Variants in DCHS2 observed in about 807,000 individuals in gnomAD.
DCHS2 encodes the protein dachsous cadherin-related 2.
Under a neutral mutation model 182.4 loss-of-function variants are expected in DCHS2, and 142 were observed. That is an observed-to-expected ratio of 0.78 (90% confidence interval 0.68 to 0.89). The LOEUF (loss-of-function observed/expected upper bound fraction) is 0.89, where lower values mean the gene tolerates loss of function less well. DCHS2 is among the 40% of genes least tolerant of loss of function. DCHS2 has a pLI of 0.00. For synonymous variants in DCHS2, 1,740 were observed against 1,663.3 expected (o/e 1.05, Z -1.12); for missense variants, 4,319 against 4,198.6 (o/e 1.03, Z -0.79).
chr4:154,426,244 T>TAA (rs1054484051), intron 1 of DCHS2, among the ~76,000 whole-genome samples: 1 of 152,214 alleles, frequency 6.6e-6, no homozygotes, highest in Non-Finnish European at 1.5e-5. Context: ...TTATCGCATC[T>TAA]AAAAATACAC....
chr4:154,417,200 TGTGTGAGAGAGAGAGAGA>T (rs1316524786), intron 1 of DCHS2, among the ~76,000 whole-genome samples: 292 of 47,822 alleles, frequency 6.1e-3, no homozygotes, highest in Middle Eastern at 0.018. Flanking sequence ...TGTGTGTGTG[TGTGTGAGAGAGAGAGAGA>T]GAGAGAGAGA....
chr4:154,402,589 G>A (rs1732235638), intron 1 of DCHS2, among the ~76,000 whole-genome samples: 1 of 152,236 alleles, frequency 6.6e-6, no homozygotes. Flanking sequence ...CATGGATGGG[G>A]AGGCCTCACA....
At chr4:154,390,889 C>T (rs542300701) in intron 1 of DCHS2, among the ~76,000 whole-genome samples, 2 of 152,288 alleles carry the variant, frequency 1.3e-5, no homozygotes, top group South Asian at 4.1e-4. Context: ...TCTGGAAACA[C>T]ACAAAAAGTA....
In DCHS2 at chr4:154,236,355, G is replaced by T; in HGVS notation, c.8297C>A (p.Ala2766Glu). 6.2e-7 allele frequency: 1 copy of T among 1,614,068 alleles called. No homozygotes were observed. Among genetic ancestry groups the T allele is most frequent in the East Asian group, 2.2e-5 (1 of 44,828 alleles). ...FVSVLDDNDH[A>E]PQFMFSSFSC... ...GAAGCTTGAGAACATAAACTGAGGT[G>T]CATGGTCGTTATCATCCAGGACACT... The change falls in exon 20 of 20, where the codon GCA becomes GAA. Residue 2766 changes from alanine (A) to glutamate (E), a missense_variant. Coordinates refer to ENST00000357232, the MANE Select transcript of DCHS2 (RefSeq NM_001358235.2).
At chr4:154,379,608 C>T (rs939700124) in intron 1 of DCHS2, among the ~76,000 whole-genome samples, 4 of 152,062 alleles carry the variant, frequency 2.6e-5, no homozygotes, top group African/African-American at 9.7e-5. Flanking sequence ...ATTTGTAAGC[C>T]TTTTAGGAGG....
chr4:154,435,488 C>G (rs551355367), intron 1 of DCHS2, among the ~76,000 whole-genome samples: 1 of 151,586 alleles, frequency 6.6e-6, no homozygotes, highest in Admixed American at 6.6e-5. Context: ...CCCAGCTACT[C>G]GGGAGGCTGA....
At chr4:154,481,865 C>G (rs560245308) in intron 1 of DCHS2, among the ~76,000 whole-genome samples, 1 of 152,148 alleles carries the variant, frequency 6.6e-6, no homozygotes, top group African/African-American at 2.4e-5. Context: ...CTTTTATCCA[C>G]GGGATTACTC....
intron 12 of DCHS2, among the ~76,000 whole-genome samples, chr4:154,299,642 G>A (rs899170364): frequency 2.6e-5 from 4 of 152,110 alleles, no homozygotes; most frequent in African/African-American, 7.2e-5. Context: ...TATTCATGAG[G>A]AACAGTTAAT....
chr4:154,468,241 T>G (rs1188187774), intron 1 of DCHS2, among the ~76,000 whole-genome samples: 1 of 152,140 alleles, frequency 6.6e-6, no homozygotes, highest in South Asian at 2.1e-4. Context: ...TTTTTTCAGC[T>G]CATCTAGATA....
At chr4:154,328,339 G>T in intron 6 of DCHS2, 147 bp from the exon 7 acceptor site, 1 of 512,564 alleles carries the variant, frequency 2.0e-6, no homozygotes, top group Non-Finnish European at 3.4e-6. Context: ...CCATGTAAAA[G>T]TTATATGGGT....
chr4:154,263,223 A>C (rs904591007), intron 14 of DCHS2, among the ~76,000 whole-genome samples: 1 of 152,160 alleles, frequency 6.6e-6, no homozygotes, highest in Non-Finnish European at 1.5e-5. Context: ...ATACAATTTT[A>C]ATGATAATTT....
chr4:154,304,125 T>C (rs1035194522), intron 12 of DCHS2, among the ~76,000 whole-genome samples: 9 of 151,494 alleles, frequency 5.9e-5, no homozygotes, highest in Admixed American at 4.6e-4. Context: ...TGGGAGCCAT[T>C]GGCATCCCAG....
Position 154,239,448 on chromosome 4 carries a change from T to C in DCHS2, c.7360-146A>G, listed in dbSNP as rs965303021. ...TGACTTTGTTAGACATATTAATTTA[T>C]GGAATTGGCATATTAAAAAGATTGT... On this transcript the variant is annotated intron_variant, in intron 18 of 19. Coordinates refer to ENST00000357232, the MANE Select transcript of DCHS2 (RefSeq NM_001358235.2). The C allele has an allele frequency of 4.7e-6, 6 of 1,269,804 alleles. No individual in the cohort carries two copies. The African/African-American group carries it at 9.1e-5, about 19-fold the overall frequency. 78.7% of individuals were successfully genotyped at this position (1,269,804 alleles called of 1,614,324 possible).
chr4:154,368,734 G>A (rs533369287), intron 2 of DCHS2, among the ~76,000 whole-genome samples: 2 of 152,180 alleles, frequency 1.3e-5, no homozygotes, highest in African/African-American at 4.8e-5. Context: ...CCTGACCTCA[G>A]GTGATCCACC....
intron 1 of DCHS2, among the ~76,000 whole-genome samples, chr4:154,402,875 T>C (rs958981045): frequency 2.0e-5 from 3 of 152,232 alleles, no homozygotes; most frequent in African/African-American, 7.2e-5. Context: ...AATTTTGTAG[T>C]TTCCAGTGTA....
intron 2 of DCHS2, among the ~76,000 whole-genome samples, chr4:154,375,863 T>C (rs866713619): frequency 5.3e-5 from 8 of 152,164 alleles, no homozygotes; most frequent in Non-Finnish European, 1.0e-4. Flanking sequence ...TTAAAATTAT[T>C]GTATATTCAC....
Position 154,321,009 on chromosome 4 carries a change from A to T in DCHS2, c.4390T>A (p.Ser1464Thr), listed in dbSNP as rs1014753048. The T allele has an allele frequency of 1.9e-6, 3 of 1,613,860 alleles. No individual in the cohort carries two copies. In the African/African-American group the frequency reaches 4.0e-5, roughly 22 times the overall value. ...IDSSTGDLFL[S>T]KELDYETTSH... ...GTCGTCTCATAATCAAGTTCCTTAGAAAGAAACAAGTCTCCGGTTGAGCTG... is the reference window on the plus strand; with the variant it reads ...GTCGTCTCATAATCAAGTTCCTTAGTAAGAAACAAGTCTCCGGTTGAGCTG... Residue 1464 changes from serine to threonine, a missense_variant, in exon 9 of 20, where the codon TCT becomes ACT. By Grantham distance (58) the Ser-to-Thr change is moderately conservative (BLOSUM62 1). Transcript: ENST00000357232.
intron 3 of DCHS2, among the ~76,000 whole-genome samples, chr4:154,356,510 C>A (rs757771290): frequency 1.3e-5 from 2 of 152,164 alleles, no homozygotes; most frequent in Non-Finnish European, 2.9e-5. Context: ...ATTCACCACT[C>A]ACTGTCTCAC....
chr4:154,406,208 C>T (rs1009216634), intron 1 of DCHS2, among the ~76,000 whole-genome samples: 3 of 152,250 alleles, frequency 2.0e-5, no homozygotes, highest in Non-Finnish European at 4.4e-5. Context: ...TAAACACCCA[C>T]GCAGATTCTC....
Sources: gnomAD v4.1 joint callset for allele counts (sites outside exome capture counted in the v4.1 genomes callset) on GRCh38, gnomAD v4.1.1 for gene constraint, MANE v1.5 for transcripts, NCBI Gene and HGNC (gene_info 2026-07-23, HGNC 2026-07-21) for gene names.